Variants in NDUFS4 observed in about 807,000 individuals in gnomAD.
NDUFS4 encodes the protein NADH:ubiquinone oxidoreductase subunit S4.
A neutral mutation model predicts 24.3 loss-of-function variants in NDUFS4; 28 were observed. The observed-to-expected ratio is 1.15, with a 90% CI of 0.85 to 1.58. The LOEUF is 1.58. NDUFS4 is among the 40% of genes most tolerant of loss of function. NDUFS4 has a pLI of 0.00. For synonymous variants in NDUFS4, 93 were observed against 69.7 expected (o/e 1.34, Z -1.67); for missense variants, 223 against 207.9 (o/e 1.07, Z -0.45).
intron 1 of NDUFS4, among the ~76,000 whole-genome samples, chr5:53,563,748 C>T (rs927362559): frequency 2.0e-5 from 3 of 152,128 alleles, no homozygotes; most frequent in South Asian, 2.1e-4. Flanking sequence ...GTGATCCACC[C>T]GCCCCGGCCT....
chr5:53,660,802 T>G (rs786331), intron 4 of NDUFS4, among the ~76,000 whole-genome samples: 31,020 of 152,186 alleles, frequency 0.2, 3,689 homozygotes, highest in East Asian at 0.46. Flanking sequence ...TGTCTTCTTT[T>G]GAGAAGTGTC....
intron 4 of NDUFS4, among the ~76,000 whole-genome samples, chr5:53,662,766 T>C (rs185199638): frequency 7.7e-5 from 11 of 143,496 alleles, no homozygotes; most frequent in African/African-American, 2.9e-4. Flanking sequence ...CTTCTAGATT[T>C]TCTAATTTAT....
chr5:53,576,571 G>A (rs1749392798), intron 1 of NDUFS4, among the ~76,000 whole-genome samples: 1 of 152,110 alleles, frequency 6.6e-6, no homozygotes, highest in African/African-American at 2.4e-5. Flanking sequence ...CTGATACCAA[G>A]TTTAAAAATC....
chr5:53,598,077 G>C (rs539329254), intron 1 of NDUFS4, among the ~76,000 whole-genome samples: 7 of 152,278 alleles, frequency 4.6e-5, no homozygotes, highest in Non-Finnish European at 1.0e-4. Flanking sequence ...CTGTTAGAAC[G>C]ACTGCAATCC....
chr5:53,564,481 CA>C (rs1449143216), intron 1 of NDUFS4, among the ~76,000 whole-genome samples: 1 of 152,160 alleles, frequency 6.6e-6, no homozygotes, highest in Non-Finnish European at 1.5e-5. Flanking sequence ...TTCCTCTTTC[CA>C]AATGCCCATA....
At chr5:53,665,042 T>C (rs896775254) in intron 4 of NDUFS4, among the ~76,000 whole-genome samples, 5 of 152,206 alleles carry the variant, frequency 3.3e-5, no homozygotes, top group Non-Finnish European at 5.9e-5. Context: ...GTTTTCCTTC[T>C]AACAGTCAGG....
intron 1 of NDUFS4, among the ~76,000 whole-genome samples, chr5:53,597,793 C>T (rs190864762): frequency 3.6e-4 from 55 of 152,262 alleles, no homozygotes; most frequent in Admixed American, 1.1e-3. Flanking sequence ...CTGTGAAAGA[C>T]ACTCTAAAGA....
chr5:53,646,041 TA>T (rs1403473528), intron 2 of NDUFS4, among the ~76,000 whole-genome samples, 191 bp from the exon 3 acceptor site: 1 of 152,108 alleles, frequency 6.6e-6, no homozygotes, highest in African/African-American at 2.4e-5. Flanking sequence ...TCCCCCTAAA[TA>T]AACCATTTAC....
At position 53,665,124 on chromosome 5, in the gene NDUFS4, C is replaced by T. The variant is rs557102942; in HGVS notation, c.424+6500C>T. ...ACCCTATTTGCCTGGGTATCAGCAG[C>T]GGAGGCTGCAGAACCGCGGATATTG... is the stretch of plus-strand genomic sequence containing the variant. On this transcript the variant is annotated intron_variant, in intron 4 of 4. Transcript: ENST00000296684. 1.7e-3 allele frequency among the ~76,000 whole-genome samples: 257 copies of T among 152,282 alleles called. 1 individual carries two copies. The highest frequency in any genetic ancestry group is 5.6e-3 in the African/African-American group (232 of 41,570).
chr5:53,676,979 A>G (rs1297623941), intron 4 of NDUFS4, among the ~76,000 whole-genome samples: 2 of 152,256 alleles, frequency 1.3e-5, no homozygotes, highest in African/African-American at 4.8e-5. Context: ...CTGGTATATT[A>G]TAGGTTAAAT....
intron 1 of NDUFS4, among the ~76,000 whole-genome samples, chr5:53,602,863 A>T (rs1182792750): frequency 6.6e-6 from 1 of 152,200 alleles, no homozygotes; most frequent in Non-Finnish European, 1.5e-5. Context: ...GAAAATGCTA[A>T]TATAAAGGGG....
At chr5:53,593,065 T>G (rs1200225342) in intron 1 of NDUFS4, among the ~76,000 whole-genome samples, 2 of 152,178 alleles carry the variant, frequency 1.3e-5, no homozygotes, top group Non-Finnish European at 2.9e-5. Context: ...TCCCATAGAA[T>G]GAGGTACTAC....
rs62371564 is a variant in NDUFS4, at chr5:53,614,318, A to G, written c.177+10788A>G. On this transcript the variant is annotated intron_variant, in intron 2 of 4. Coordinates refer to ENST00000296684, the MANE Select transcript of NDUFS4 (RefSeq NM_002495.4). ...TAGTATCAAGCTGTGTAAAACTTAC[A>G]TGTACTAAATATCACAAAGAAAATG... Among the ~76,000 whole-genome samples the G allele has an allele frequency of 3.7e-3, 556 of 152,094 alleles. 1 individual carries two copies. Among genetic ancestry groups the G allele is most frequent in the Non-Finnish European group, 4.8e-3 (328 of 67,848 alleles).
Position 53,589,047 on chromosome 5 carries a change from G to T in NDUFS4, c.99-14405G>T, listed in dbSNP as rs1454443160. ...ACAGTAGCATTAGAGCAGTTGTGAA[G>T]CAGATCATCTAATGGCTTTTTGACC... On this transcript the variant is annotated intron_variant, in intron 1 of 4. Transcript: ENST00000296684. Among the ~76,000 whole-genome samples, 6 of 152,008 alleles carry T rather than the reference G, an allele frequency of 3.9e-5. No homozygotes were observed. In the East Asian group the frequency reaches 1.2e-3, roughly 29 times the overall value.
intron 1 of NDUFS4, among the ~76,000 whole-genome samples, chr5:53,578,161 A>C (rs1749445671): frequency 6.6e-6 from 1 of 152,200 alleles, no homozygotes; most frequent in African/African-American, 2.4e-5. Context: ...TTTATTTAAC[A>C]AATTTTAGAT....
At chr5:53,641,417 C>G (rs1339433214) in intron 2 of NDUFS4, among the ~76,000 whole-genome samples, 1 of 152,152 alleles carries the variant, frequency 6.6e-6, no homozygotes, top group Non-Finnish European at 1.5e-5. Flanking sequence ...ATCATATTAT[C>G]CACAGCAGTT....
Position 53,582,229 on chromosome 5 carries a change from A to AT in NDUFS4, c.99-21222dup, listed in dbSNP as rs1480790263. Among the ~76,000 whole-genome samples the AT allele has an allele frequency of 4.7e-3, 674 of 143,336 alleles. 4 individuals carry two copies. The highest frequency in any genetic ancestry group is 7.7e-3 in the Non-Finnish European group (512 of 66,082). 94.0% of individuals were successfully genotyped at this position (143,336 alleles called of 152,430 possible). On this transcript the variant is annotated intron_variant, in intron 1 of 4. Transcript: ENST00000296684. ...CTGTCTCAAAATAAAATAAAATAAA[A>AT]TAAAATAAAATAAAATTAAATTAAA...
At chr5:53,643,615 G>A (rs1022514171) in intron 2 of NDUFS4, among the ~76,000 whole-genome samples, 3 of 152,072 alleles carry the variant, frequency 2.0e-5, no homozygotes, top group Non-Finnish European at 4.4e-5. Context: ...GTCACTAGCC[G>A]AAGCTGTGTG....
Position 53,601,734 on chromosome 5 carries a change from T to C in NDUFS4, c.99-1718T>C, listed in dbSNP as rs865779421. Among the ~76,000 whole-genome samples the C allele has an allele frequency of 4.6e-5, 7 of 152,286 alleles. 1 individual carries two copies. The South Asian group carries it at 1.4e-3, about 32-fold the overall frequency. ...AGTAGTGTGATGAAATCTCATGCCG[T>C]CCAGCTCTGTCTCACCCAGGATGTG... On this transcript the variant is annotated intron_variant, in intron 1 of 4. Coordinates refer to ENST00000296684, the MANE Select transcript of NDUFS4 (RefSeq NM_002495.4).
Sources: gnomAD v4.1 joint callset for allele counts (sites outside exome capture counted in the v4.1 genomes callset) on GRCh38, gnomAD v4.1.1 for gene constraint, MANE v1.5 for transcripts, NCBI Gene and HGNC (gene_info 2026-07-23, HGNC 2026-07-21) for gene names.